ALG1: variants seen among roughly 807,000 people sequenced by gnomAD.
ALG1 encodes chitobiosyldiphosphodolichol beta-mannosyltransferase.
In ALG1, 58 loss-of-function variants were observed where a neutral mutation model predicts 55.1. That is an observed-to-expected ratio of 1.05 (90% CI 0.85 to 1.31). The LOEUF is 1.31. Ranked by LOEUF, ALG1 falls within the 50% of genes most tolerant of loss-of-function variation. ALG1 has a pLI of 0.00. For synonymous variants in ALG1, 309 were observed against 247.0 expected, an observed-to-expected ratio of 1.25 and a Z score of -2.35; for missense variants, 761 against 598.6, an observed-to-expected ratio of 1.27 and a Z score of -2.83.
chr16:5,073,956 C>T (rs1374194378), intron 3 of ALG1, among the ~76,000 whole-genome samples: 2 of 152,214 alleles, frequency 1.3e-5, no homozygotes, highest in African/African-American at 4.8e-5. Context: ...CTCAGGTAAT[C>T]CGCCCCCCTC....
chr16:5,084,884 C>G lies in ALG1; in HGVS notation c.*3C>G. ...TCCCTTTGGTTATGGACACATAACTCCTGGGCCAGAGGCTAAAACCCCAGG... is the reference window on the plus strand; with the variant it reads ...TCCCTTTGGTTATGGACACATAACTGCTGGGCCAGAGGCTAAAACCCCAGG... On this transcript the variant is annotated 3_prime_UTR_variant, in exon 13 of 13. Transcript: ENST00000262374. The G allele has an allele frequency of 3.8e-6, 6 of 1,588,174 alleles. No individual in the cohort carries two copies. The highest frequency in any genetic ancestry group is 5.1e-6 in the Non-Finnish European group (6 of 1,175,780).
chr16:5,072,844 A>G, intron 1 of ALG1, 107 bp from the exon 2 acceptor site: 4 of 1,070,212 alleles, frequency 3.7e-6, no homozygotes, highest in Admixed American at 3.4e-5. Context: ...AGGTTTTGAA[A>G]TATCTTACTT....
At position 5,071,866 on chromosome 16, in the gene ALG1, T is replaced by C. The variant is rs778784919; in HGVS notation, c.17T>C (p.Leu6Ser). ...CCAGCCAAGATGGCGGCCTCATGCTTGGTCCTGCTGGCGCTGTGTCTGCTG... is the reference window on the plus strand; with the variant it reads ...CCAGCCAAGATGGCGGCCTCATGCTCGGTCCTGCTGGCGCTGTGTCTGCTG... Reference protein sequence around the residue: MAASCLVLLALCLLLP... With the variant: MAASCSVLLALCLLLP... Residue 6 changes from leucine to serine, a missense_variant, in exon 1 of 13, where the codon TTG becomes TCG. Transcript: ENST00000262374. The C allele has an allele frequency of 1.2e-6, 2 of 1,604,940 alleles. No homozygotes were observed. Among genetic ancestry groups the C allele is most frequent in the South Asian group, 2.2e-5 (2 of 90,502 alleles).
rs1567173771 is a variant in ALG1 at position 5,085,052 on chromosome 16, G to A, written c.*171G>A. On this transcript the variant is annotated 3_prime_UTR_variant, in exon 13 of 13. Coordinates refer to ENST00000262374, the MANE Select transcript of ALG1 (RefSeq NM_019109.5). The stretch of plus-strand genomic sequence containing the variant: ...TGGTTCTGTGACCCGGGAAGCTTTG[G>A]TTGGCCTTGATTTCTTCTCTGGAGG... The A allele has an allele frequency of 3.1e-6, 4 of 1,278,028 alleles. No individual in the cohort carries two copies. The Admixed American group carries it at 6.4e-5, about 20-fold the overall frequency. 79.2% of individuals were successfully genotyped at this position (1,278,028 alleles called of 1,614,324 possible).
In ALG1 at chr16:5,085,881, G is replaced by A. The variant is rs962378218; in HGVS notation, c.*1000G>A. Reference sequence around the variant, plus strand: ...CACAGGTTCCCAGGCCCACCCAGGTGCCTAGAATTGGCCTCCAGGATGGGA... The same window carrying A: ...CACAGGTTCCCAGGCCCACCCAGGTACCTAGAATTGGCCTCCAGGATGGGA... On this transcript the variant is annotated 3_prime_UTR_variant, in exon 13 of 13. Coordinates refer to ENST00000262374, the MANE Select transcript of ALG1 (RefSeq NM_019109.5). The A allele has an allele frequency of 1.4e-6, 1 of 694,578 alleles. No individual in the cohort carries two copies. Among genetic ancestry groups the A allele is most frequent in the Non-Finnish European group, 2.7e-6 (1 of 377,320 alleles). 43.0% of individuals were successfully genotyped at this position (694,578 alleles called of 1,614,324 possible). A position where few individuals can be genotyped will look rare whatever the true frequency, so the allele number is the denominator to read the frequency against.
Position 5,078,831 on chromosome 16 carries a change from G to C in ALG1, c.815G>C (p.Arg272Pro). Residue 272 changes from arginine (R) to proline (P), a missense_variant, in exon 7 of 13, where the codon CGT (arginine) becomes CCT (proline). Arg to Pro is a moderately radical substitution (Grantham distance 103). Transcript: ENST00000262374. ...ERDAGSGLVT[R>P]LRERPALLVS... is the part of the protein sequence containing the mutation. ...GATGCTGGGAGCGGGCTGGTGACGC[G>C]TCTCCGTGAGCGGCCAGCCCTGCTG... 1 of 1,612,168 alleles carries C rather than the reference G, an allele frequency of 6.2e-7. No homozygotes were observed. Among genetic ancestry groups the C allele is most frequent in the Admixed American group, 1.7e-5 (1 of 60,016 alleles).
At chr16:5,072,231 G>C (rs1219470484) in intron 1 of ALG1, 174 bp downstream of exon 1, 1 of 1,513,960 alleles carries the variant, frequency 6.6e-7, no homozygotes, top group African/African-American at 1.4e-5. Context: ...TCTAGGTATA[G>C]CCGGCGTTAA....
chr16:5,082,760 G>C, intron 11 of ALG1, 87 bp downstream of exon 11: 1 of 1,517,452 alleles, frequency 6.6e-7, no homozygotes, highest in Non-Finnish European at 9.0e-7. Flanking sequence ...TGCCCACAGT[G>C]AGGCCCTGCC....
In ALG1 at chr16:5,084,992, G is replaced by A. The variant is rs1957104406; in HGVS notation, c.*111G>A. The A allele has an allele frequency of 1.9e-6, 3 of 1,570,274 alleles. No homozygotes were observed. The South Asian group carries it at 3.3e-5, about 17-fold the overall frequency. On this transcript the variant is annotated 3_prime_UTR_variant, in exon 13 of 13. Transcript: ENST00000262374. ...CAGCACCTCCCAGTGGCCAGAAGCTGAAATGACAGCAGTGGTACTGCCTGG... is the reference window on the plus strand; with the variant it reads ...CAGCACCTCCCAGTGGCCAGAAGCTAAAATGACAGCAGTGGTACTGCCTGG...
At position 5,084,931 on chromosome 16, in the gene ALG1, GCTT is replaced by G. The variant is rs753650595; in HGVS notation, c.*57_*59del. ...CAGGACCCCTGCTGTCCTTCCCGCAGCTTCTTCTTGGAGTCTCAGGGCAAACCC... is the reference window on the plus strand; with the variant it reads ...CAGGACCCCTGCTGTCCTTCCCGCAGCTTCTTGGAGTCTCAGGGCAAACCC... On this transcript the variant is annotated 3_prime_UTR_variant, in exon 13 of 13. Coordinates refer to ENST00000262374, the MANE Select transcript of ALG1 (RefSeq NM_019109.5). 2.4e-5 allele frequency: 39 copies of G among 1,596,392 alleles called. No homozygotes were observed. The highest frequency in any genetic ancestry group is 6.7e-5 in the African/African-American group (5 of 74,962).
At chr16:5,079,486 TC>T (rs1324758913) in intron 8 of ALG1, among the ~76,000 whole-genome samples, 1 of 152,182 alleles carries the variant, frequency 6.6e-6, no homozygotes, top group Non-Finnish European at 1.5e-5. Flanking sequence ...GGTCAGGAGT[TC>T]GAGACCAACC....
chr16:5,073,712 A>C (rs956679144), intron 3 of ALG1, among the ~76,000 whole-genome samples: 8 of 152,216 alleles, frequency 5.3e-5, no homozygotes, highest in Non-Finnish European at 8.8e-5. Context: ...GCGCACACAC[A>C]AACACACATA....
At position 5,084,558 on chromosome 16, in the gene ALG1, G is replaced by A. The variant is rs1957081691; in HGVS notation, c.1264-192G>A. The A allele has an allele frequency of 1.1e-6, 1 of 925,966 alleles. No homozygotes were observed. The highest frequency in any genetic ancestry group is 1.6e-5 in the South Asian group (1 of 64,116). 57.4% of individuals were successfully genotyped at this position (925,966 alleles called of 1,614,324 possible). A position where few individuals can be genotyped will look rare whatever the true frequency, so the allele number is the denominator to read the frequency against. ...GTGGGAAAGTGGGACATGCGGGGAA[G>A]TTTCCAGAAACTGTGATGTCAAGTT... On this transcript the variant is annotated intron_variant, in intron 12 of 12. Coordinates refer to ENST00000262374, the MANE Select transcript of ALG1 (RefSeq NM_019109.5).
intron 3 of ALG1, 173 bp downstream of exon 3, chr16:5,073,429 CTG>C: frequency 1.5e-6 from 1 of 663,324 alleles, no homozygotes. Context: ...TCCATGCTCT[CTG>C]TGTCATTACA....
chr16:5,084,703 G>C, intron 12 of ALG1, 47 bp from the exon 13 acceptor site: 1 of 1,596,284 alleles, frequency 6.3e-7, no homozygotes, highest in Non-Finnish European at 8.5e-7. Context: ...CCTGGGATGG[G>C]GTGGGGACAG....
chr16:5,077,308 A>C, intron 4 of ALG1, 137 bp from the exon 5 acceptor site: 3 of 768,592 alleles, frequency 3.9e-6, no homozygotes. Flanking sequence ...AAGAAAGAAC[A>C]CTGGCACAGC....
Position 5,075,517 on chromosome 16 carries a change from C to T in ALG1, c.520C>T (p.Leu174Phe), listed in dbSNP as rs1382416981. The T allele has an allele frequency of 1.1e-5, 17 of 1,614,048 alleles. No homozygotes were observed. The highest frequency in any genetic ancestry group is 1.3e-5 in the African/African-American group (1 of 74,924). The change falls in exon 4 of 13, where the codon CTC becomes TTC. Residue 174 changes from leucine (L) to phenylalanine (F), a missense_variant. Leu to Phe is a conservative substitution (Grantham distance 22). Transcript: ENST00000262374. ...MGLVHGPNHPLVLLAKWYEKF... is the reference protein window; with the variant it reads ...MGLVHGPNHPFVLLAKWYEKF... ...TCTGGTGCATGGCCCCAACCATCCC[C>T]TCGTTCTGCTGGCCAAGTGGTGAGA...
chr16:5,083,043 TTTTC>T (rs1425269211), intron 11 of ALG1, among the ~76,000 whole-genome samples: 2 of 152,092 alleles, frequency 1.3e-5, no homozygotes, highest in African/African-American at 4.8e-5. Flanking sequence ...GCTTACATGG[TTTTC>T]TTTGTTTTTC....
chr16:5,077,035 T>C (rs1956926375), intron 4 of ALG1, among the ~76,000 whole-genome samples: 1 of 152,116 alleles, frequency 6.6e-6, no homozygotes, highest in Admixed American at 6.5e-5. Flanking sequence ...CCTCAAACGA[T>C]CCACCTCCCA....
Sources: allele counts gnomAD v4.1 joint callset (sites outside exome capture counted in the v4.1 genomes callset), GRCh38; gene constraint gnomAD v4.1.1; transcripts MANE v1.5; gene names NCBI Gene and HGNC (gene_info 2026-07-23, HGNC 2026-07-21).